ANO3: variants seen among roughly 807,000 people sequenced by gnomAD.
ANO3 encodes anoctamin 3.
In ANO3, 99 loss-of-function variants were observed where a neutral mutation model predicts 144.8. That is an observed-to-expected ratio of 0.68 (90% CI 0.58 to 0.81). The LOEUF (loss-of-function observed/expected upper bound fraction) is 0.81, where lower values mean the gene tolerates loss of function less well. ANO3 is among the 30% of genes least tolerant of loss of function. The pLI, the probability that ANO3 is intolerant of heterozygous loss-of-function variation, is 0.00. For synonymous variants in ANO3, 414 were observed against 392.6 expected (o/e 1.05, Z -0.64); for missense variants, 905 against 1,202.2 (o/e 0.75, Z 3.66).
chr11:26,650,208 T>C (rs1005666865), intron 24 of ANO3, among the ~76,000 whole-genome samples: 1 of 149,398 alleles, frequency 6.7e-6, no homozygotes, highest in African/African-American at 2.5e-5. Context: ...TTCATTCAGA[T>C]TGGAAATTTT....
intron 1 of ANO3, among the ~76,000 whole-genome samples, chr11:26,353,109 G>A (rs1855690490): frequency 6.6e-6 from 1 of 152,180 alleles, no homozygotes; most frequent in Admixed American, 6.5e-5. Flanking sequence ...CTGTCTTTAT[G>A]GGTTTCTTTA....
chr11:26,601,469 A>G (rs2132936678), intron 17 of ANO3, among the ~76,000 whole-genome samples: 1 of 152,346 alleles, frequency 6.6e-6, no homozygotes, highest in Non-Finnish European at 1.5e-5. Flanking sequence ...AATACTGTTT[A>G]CATTATCTCT....
chr11:26,526,946 T>C (rs1399217666), intron 7 of ANO3, among the ~76,000 whole-genome samples: 1 of 152,200 alleles, frequency 6.6e-6, no homozygotes. Context: ...TGCAGGTTTT[T>C]CTTGTCTTTG....
At chr11:26,624,039 G>A (rs970899817) in intron 17 of ANO3, among the ~76,000 whole-genome samples, 1 of 152,124 alleles carries the variant, frequency 6.6e-6, no homozygotes, top group Non-Finnish European at 1.5e-5. Flanking sequence ...GCCCGCCTAG[G>A]CCTCCCAAAG....
chr11:26,500,822 C>T (rs983209969), intron 4 of ANO3, among the ~76,000 whole-genome samples: 4 of 150,602 alleles, frequency 2.7e-5, no homozygotes, highest in Non-Finnish European at 4.4e-5. Flanking sequence ...CCCGGTTTTG[C>T]TCTTTATAAT....
At chr11:26,542,872 A>AT (rs2134207481) in intron 11 of ANO3, among the ~76,000 whole-genome samples, 1 of 151,842 alleles carries the variant, frequency 6.6e-6, no homozygotes, top group Non-Finnish European at 1.5e-5. Flanking sequence ...CATTTATATT[A>AT]ATATATGTTA....
intron 18 of ANO3, among the ~76,000 whole-genome samples, chr11:26,628,211 C>G (rs936180762): frequency 6.6e-6 from 1 of 152,028 alleles, no homozygotes; most frequent in East Asian, 1.9e-4. Flanking sequence ...TTAGAAGGAA[C>G]AAATTAAGCC....
chr11:26,365,348 C>A (rs1327690387), intron 1 of ANO3, among the ~76,000 whole-genome samples: 1 of 152,286 alleles, frequency 6.6e-6, no homozygotes, highest in South Asian at 2.1e-4. Flanking sequence ...GTGAATCTAC[C>A]ATTCTGGGGT....
At chr11:26,401,896 T>A (rs1463589760) in intron 1 of ANO3, among the ~76,000 whole-genome samples, 4 of 152,034 alleles carry the variant, frequency 2.6e-5, no homozygotes, top group African/African-American at 7.2e-5. Flanking sequence ...TTTCAATTTC[T>A]TGCTGTTCTG....
chr11:26,376,905 A>G (rs1324298341), intron 1 of ANO3, among the ~76,000 whole-genome samples: 2 of 152,140 alleles, frequency 1.3e-5, no homozygotes, highest in Non-Finnish European at 2.9e-5. Context: ...AAGCAGAATT[A>G]TTTGTATCAT....
intron 2 of ANO3, among the ~76,000 whole-genome samples, chr11:26,442,997 CT>C (rs949236951): frequency 2.6e-5 from 4 of 152,102 alleles, no homozygotes; most frequent in African/African-American, 7.2e-5. Context: ...AACTCCTGAC[CT>C]TGTGATCCAC....
At chr11:26,561,232 A>C in intron 14 of ANO3, 1 of 1,597,274 alleles carries the variant, frequency 6.3e-7, no homozygotes, top group East Asian at 2.3e-5. Context: ...AGAACTAAAA[A>C]AGTAACAAAA....
chr11:26,601,707 A>T (rs10835010), intron 17 of ANO3, among the ~76,000 whole-genome samples: 67,481 of 152,050 alleles, frequency 0.44, 15,832 homozygotes, highest in East Asian at 0.68. Context: ...GTAAAACATC[A>T]TGTTTGTAAC....
upstream of ANO3, among the ~76,000 whole-genome samples, chr11:26,328,068 C>T (rs557559933): frequency 1.3e-5 from 2 of 152,208 alleles, no homozygotes; most frequent in South Asian, 4.1e-4. Flanking sequence ...TTTTAAAATT[C>T]TGTTTTGTAA....
chr11:26,337,861 G>C (rs1855233342), intron 1 of ANO3, among the ~76,000 whole-genome samples: 1 of 152,016 alleles, frequency 6.6e-6, no homozygotes, highest in Non-Finnish European at 1.5e-5. Context: ...CTTGAACCAG[G>C]GAGGCAGATG....
chr11:26,265,697 C>T (rs539874909), intron 1 of ANO3, among the ~76,000 whole-genome samples: 69 of 152,254 alleles, frequency 4.5e-4, no homozygotes, highest in African/African-American at 1.6e-3. Flanking sequence ...AGGTTAGTAA[C>T]CCTTTCTAGC....
At chr11:26,359,507 A>G (rs1855867896) in intron 1 of ANO3, among the ~76,000 whole-genome samples, 3 of 152,314 alleles carry the variant, frequency 2.0e-5, no homozygotes, top group South Asian at 4.1e-4. Flanking sequence ...ATACTGATCA[A>G]TGCTATTCTG....
upstream of ANO3, among the ~76,000 whole-genome samples, chr11:26,306,728 G>C (rs1010528619): frequency 1.3e-5 from 2 of 152,122 alleles, no homozygotes; most frequent in African/African-American, 4.8e-5. Context: ...GTCTGGAATG[G>C]GGCTATCACA....
At chr11:26,534,396 A>G in intron 8 of ANO3, 60 bp from the exon 9 acceptor site, 6 of 1,120,546 alleles carry the variant, frequency 5.4e-6, no homozygotes, top group Non-Finnish European at 7.9e-6. Context: ...TGGAACTTGT[A>G]ACTATTGCTG....
Sources: gnomAD v4.1 joint callset for allele counts (sites outside exome capture counted in the v4.1 genomes callset) on GRCh38, gnomAD v4.1.1 for gene constraint, MANE v1.5 for transcripts, NCBI Gene and HGNC (gene_info 2026-07-23, HGNC 2026-07-21) for gene names.